The following FER variants were observed in gnomAD, a reference collection of about 807,000 sequenced individuals.
FER encodes tyrosine-protein kinase Fer.
A neutral mutation model predicts 111.0 loss-of-function variants in FER; 63 were observed. That is an observed-to-expected ratio of 0.57 (90% CI 0.46 to 0.70). The LOEUF is 0.70. Ranked by LOEUF, FER falls within the 30% of genes least tolerant of loss-of-function variation. The pLI is 0.00. For missense variants in FER, 914 were observed against 954.0 expected, an observed-to-expected ratio of 0.96 and a Z score of 0.55; for synonymous variants, 327 against 313.9, an observed-to-expected ratio of 1.04 and a Z score of -0.44.
chr5:109,174,128 G>C (rs1344449136), intron 17 of FER, among the ~76,000 whole-genome samples: 2 of 152,078 alleles, frequency 1.3e-5, no homozygotes, highest in African/African-American at 4.8e-5. Flanking sequence ...GTTAGTAATG[G>C]GCACAGAACT....
intron 11 of FER, among the ~76,000 whole-genome samples, chr5:108,950,623 T>A (rs1360822888): frequency 6.6e-6 from 1 of 152,168 alleles, no homozygotes; most frequent in Non-Finnish European, 1.5e-5. Flanking sequence ...GAATATCTTA[T>A]TTTTCATTAT....
intron 3 of FER, among the ~76,000 whole-genome samples, chr5:108,815,116 A>AT (rs1412023393): frequency 6.6e-6 from 1 of 152,158 alleles, no homozygotes; most frequent in African/African-American, 2.4e-5. Flanking sequence ...CATTCAACCA[A>AT]TTTACTATAT....
At chr5:109,104,415 G>A (rs1331583035) in intron 17 of FER, among the ~76,000 whole-genome samples, 4 of 152,182 alleles carry the variant, frequency 2.6e-5, no homozygotes, top group East Asian at 3.9e-4. Flanking sequence ...AAAATCTACA[G>A]AATTCTTTGG....
intron 16 of FER, among the ~76,000 whole-genome samples, chr5:109,057,014 T>C (rs1359346465): frequency 6.6e-6 from 1 of 152,184 alleles, no homozygotes; most frequent in Non-Finnish European, 1.5e-5. Flanking sequence ...AATATATCAA[T>C]TTGGGGAAAA....
intron 17 of FER, among the ~76,000 whole-genome samples, chr5:109,162,212 G>T (rs1756066005): frequency 6.6e-6 from 1 of 151,978 alleles, no homozygotes. Context: ...AACAAATAGG[G>T]AATCTCCAAA....
rs750051802 is a variant in FER at position 108,867,885 on chromosome 5, T to C, written c.600T>C (p.Tyr200=). 6.2e-7 allele frequency: 1 copy of C among 1,613,278 alleles called. No homozygotes were observed. Among genetic ancestry groups the C allele is most frequent in the Admixed American group, 1.7e-5 (1 of 59,938 alleles). Residue 200 remains tyrosine (Y), a synonymous_variant, in exon 6 of 20, where the codon TAT becomes TAC. Transcript: ENST00000281092. The stretch of plus-strand genomic sequence containing the variant: ...CACAGCTCCATCAGAATCAGTATTA[T>C]GATATCACACTTCCCCTGCTTCTGG... ...KGAQLHQNQY[Y]DITLPLLLDS...
chr5:108,958,575 T>TA (rs1758737171), intron 12 of FER, among the ~76,000 whole-genome samples: 1 of 151,844 alleles, frequency 6.6e-6, no homozygotes, highest in Admixed American at 6.6e-5. Context: ...CCTGGTGATA[T>TA]GCAATTAAAA....
chr5:109,142,211 T>C (rs1196020132), intron 17 of FER, among the ~76,000 whole-genome samples: 1 of 152,200 alleles, frequency 6.6e-6, no homozygotes, highest in Non-Finnish European at 1.5e-5. Context: ...AATGGGAGTT[T>C]TCTGAGAATT....
At chr5:108,969,616 T>TTTTTTTTTTTTTTTTTTTTTTTGAGACG (rs1561695264) in intron 13 of FER, among the ~76,000 whole-genome samples, 1 of 149,050 alleles carries the variant, frequency 6.7e-6, no homozygotes, top group African/African-American at 2.6e-5. Context: ...TTAATTTTTT[T>TTTTTTTTTTTTTTTTTTTTTTTGAGACG]GAACACTGTG....
At chr5:108,901,206 A>G (rs1453825477) in intron 10 of FER, among the ~76,000 whole-genome samples, 1 of 150,428 alleles carries the variant, frequency 6.6e-6, no homozygotes, top group Non-Finnish European at 1.5e-5. Context: ...TTGATCTTGG[A>G]CTTCCTGGAA....
chr5:109,064,667 T>TA (rs1196703661), intron 16 of FER, among the ~76,000 whole-genome samples: 1 of 152,202 alleles, frequency 6.6e-6, no homozygotes, highest in East Asian at 1.9e-4. Flanking sequence ...CATTTATACC[T>TA]ATGAGTAAGT....
At chr5:108,807,836 G>C (rs1253367085) in intron 3 of FER, among the ~76,000 whole-genome samples, 1 of 151,830 alleles carries the variant, frequency 6.6e-6, no homozygotes, top group Non-Finnish European at 1.5e-5. Flanking sequence ...ATTTATTTCA[G>C]ATAATGTTTT....
intron 17 of FER, among the ~76,000 whole-genome samples, chr5:109,154,675 C>T (rs1021145997): frequency 3.3e-5 from 5 of 151,860 alleles, no homozygotes; most frequent in Non-Finnish European, 5.9e-5. Flanking sequence ...AAGTACTATT[C>T]GACATCTATA....
At chr5:108,894,477 G>A (rs1234568403) in intron 9 of FER, 5 of 399,110 alleles carry the variant, frequency 1.3e-5, no homozygotes, top group East Asian at 1.2e-4. Flanking sequence ...TAACATGTGA[G>A]GATATTTCTC....
At chr5:108,978,142 A>C (rs1761612338) in intron 13 of FER, among the ~76,000 whole-genome samples, 1 of 152,194 alleles carries the variant, frequency 6.6e-6, no homozygotes, top group Non-Finnish European at 1.5e-5. Context: ...CATCGTGCCT[A>C]GCTAACTCCT....
At chr5:109,097,563 C>G (rs766695173) in intron 16 of FER, among the ~76,000 whole-genome samples, 7 of 151,848 alleles carry the variant, frequency 4.6e-5, no homozygotes, top group Non-Finnish European at 1.0e-4. Flanking sequence ...TGTATTGGCA[C>G]TTAATGAAAA....
chr5:108,983,540 A>C (rs1762234362), intron 13 of FER, among the ~76,000 whole-genome samples: 1 of 152,122 alleles, frequency 6.6e-6, no homozygotes, highest in Admixed American at 6.6e-5. Flanking sequence ...CTCTGATGAC[A>C]GTGAAGTTTT....
At chr5:109,058,876 G>A (rs1050513472) in intron 16 of FER, among the ~76,000 whole-genome samples, 1 of 151,178 alleles carries the variant, frequency 6.6e-6, no homozygotes, top group Non-Finnish European at 1.5e-5. Context: ...GGGATTATAG[G>A]AGCCCACCAC....
intron 13 of FER, among the ~76,000 whole-genome samples, chr5:109,002,835 A>G (rs2149784641): frequency 6.6e-6 from 1 of 152,336 alleles, no homozygotes; most frequent in East Asian, 1.9e-4. Context: ...AAAAGAAGAC[A>G]TTTTTGTATC....
Sources: gnomAD v4.1 joint callset for allele counts (sites outside exome capture counted in the v4.1 genomes callset) on GRCh38, gnomAD v4.1.1 for gene constraint, MANE v1.5 for transcripts, NCBI Gene and HGNC (gene_info 2026-07-23, HGNC 2026-07-21) for gene names.